The following PNPLA7 variants were observed in gnomAD, a reference collection of about 807,000 sequenced individuals.
PNPLA7 encodes patatin-like phospholipase domain-containing protein 7.
Under a neutral mutation model 161.7 loss-of-function variants are expected in PNPLA7, and 153 were observed. The observed-to-expected ratio is 0.95, with a 90% confidence interval of 0.83 to 1.08. The LOEUF is 1.08. Ranked by LOEUF, PNPLA7 falls within the 50% of genes least tolerant of loss-of-function variation. PNPLA7 has a pLI of 0.00. For synonymous variants in PNPLA7, 809 were observed against 782.1 expected (o/e 1.03, Z -0.57); for missense variants, 1,739 against 1,856.6 (o/e 0.94, Z 1.16).
intron 12 of PNPLA7, among the ~76,000 whole-genome samples, chr9:137,512,341 C>T (rs928045): frequency 0.11 from 17,301 of 152,292 alleles, 996 homozygotes; most frequent in East Asian, 0.2. Flanking sequence ...GACCTCCCCA[C>T]GGGACGTGGA....
chr9:137,506,978 C>A (rs1290158562), intron 12 of PNPLA7, among the ~76,000 whole-genome samples: 1 of 152,242 alleles, frequency 6.6e-6, no homozygotes, highest in Non-Finnish European at 1.5e-5. Context: ...ACATGCCACA[C>A]AGATGCCGCA....
intron 7 of PNPLA7, 122 bp downstream of exon 7, chr9:137,542,520 C>T (rs1836260467): frequency 8.6e-7 from 1 of 1,162,058 alleles, no homozygotes; most frequent in African/African-American, 1.6e-5. Flanking sequence ...AGTTTTCCCC[C>T]AAAGAAATTA....
chr9:137,505,540 T>C, intron 14 of PNPLA7, 74 bp downstream of exon 14: 2 of 1,563,962 alleles, frequency 1.3e-6, no homozygotes, highest in South Asian at 2.3e-5. Context: ...CTGGAACCAC[T>C]GCCCAACAGA....
intron 8 of PNPLA7, among the ~76,000 whole-genome samples, chr9:137,526,653 T>C (rs913899779): frequency 6.6e-6 from 1 of 152,200 alleles, no homozygotes; most frequent in Non-Finnish European, 1.5e-5. Flanking sequence ...ATCCCTGAAG[T>C]TGTAACCAGT....
chr9:137,529,059 A>G (rs549466794), intron 8 of PNPLA7, among the ~76,000 whole-genome samples: 21 of 152,160 alleles, frequency 1.4e-4, no homozygotes, highest in Non-Finnish European at 2.9e-4. Flanking sequence ...CTACAGCAGC[A>G]CACTCAGAGC....
chr9:137,475,682 G>GT lies in PNPLA7; in HGVS notation c.2882+2351dup, dbSNP rs547086173. Among the ~76,000 whole-genome samples the GT allele has an allele frequency of 3.7e-3, 534 of 144,818 alleles. 4 individuals are homozygous for GT. Among genetic ancestry groups the GT allele is most frequent in the African/African-American group, 6.2e-3 (247 of 40,148 alleles). On this transcript the variant is annotated intron_variant, in intron 25 of 34. Coordinates refer to ENST00000406427, the MANE Select transcript of PNPLA7 (RefSeq NM_001098537.3). ...AGCCACTGTGCCTGGCTGAGAACCT[G>GT]TTTTTTTTTTAAAAAAAAAGAATCT...
At chr9:137,522,469 C>T (rs1055130711) in intron 9 of PNPLA7, among the ~76,000 whole-genome samples, 12 of 152,200 alleles carry the variant, frequency 7.9e-5, no homozygotes, top group East Asian at 5.8e-4. Context: ...GGGTTACAGG[C>T]GTGAGCCGCC....
At chr9:137,511,908 CT>C (rs1834257947) in intron 12 of PNPLA7, among the ~76,000 whole-genome samples, 3 of 152,180 alleles carry the variant, frequency 2.0e-5, no homozygotes, top group Non-Finnish European at 1.5e-5. Flanking sequence ...GAAAGGCCCC[CT>C]GTCACGTGGA....
At position 137,520,277 on chromosome 9, in the gene PNPLA7, G is replaced by A. The variant is rs1263851287; in HGVS notation, c.958-234C>T. 1.3e-5 allele frequency among the ~76,000 whole-genome samples: 2 copies of A among 152,076 alleles called. No individual in the cohort carries two copies. The highest frequency in any genetic ancestry group is 4.8e-5 in the African/African-American group (2 of 41,386). ...AGTTTAAGCTACATTTCAGGCAATG[G>A]AAAGAGGCCGATCATCAACCCAGAA... is the stretch of plus-strand genomic sequence containing the variant. On this transcript the variant is annotated intron_variant, in intron 10 of 34. Transcript: ENST00000406427. This position sits in a 1 kb window ranked among gnomAD's most constrained non-coding sequence, Gnocchi z 5.2.
At chr9:137,462,530 C>G in intron 30 of PNPLA7, 155 bp downstream of exon 30, 1 of 1,388,954 alleles carries the variant, frequency 7.2e-7, no homozygotes, top group Non-Finnish European at 9.5e-7. Context: ...TGCCTTCCTT[C>G]GCCCGAGTTG....
chr9:137,463,067 T>G (rs752419774), intron 29 of PNPLA7: 60 of 638,230 alleles, frequency 9.4e-5, no homozygotes, highest in Non-Finnish European at 1.5e-4. Flanking sequence ...TGGCCTGGCC[T>G]GGCCCCCAGC....
intron 12 of PNPLA7, among the ~76,000 whole-genome samples, chr9:137,514,990 A>C (rs1834452929): frequency 6.6e-6 from 1 of 151,922 alleles, no homozygotes; most frequent in African/African-American, 2.4e-5. Context: ...CCCTGCGGGG[A>C]GGCACACGTC....
chr9:137,498,396 C>T, intron 16 of PNPLA7, 151 bp from the exon 17 acceptor site: 1 of 1,189,556 alleles, frequency 8.4e-7, no homozygotes, highest in Non-Finnish European at 1.2e-6. Context: ...GGGGCACGCA[C>T]CAGTCAGCTG....
chr9:137,510,924 G>A (rs1389625252), intron 12 of PNPLA7, among the ~76,000 whole-genome samples: 2 of 152,248 alleles, frequency 1.3e-5, no homozygotes, highest in Non-Finnish European at 2.9e-5. Flanking sequence ...AGGATATAGA[G>A]ATGAATGTAT....
At position 137,547,668 on chromosome 9, in the gene PNPLA7, G is replaced by C. The variant is rs1227253488; in HGVS notation, c.31-9C>G. On this transcript the variant is annotated splice_polypyrimidine_tract_variant and intron_variant, in intron 1 of 34. Transcript: ENST00000406427. The surrounding 1 kb of genome is among the most constrained non-coding windows in gnomAD (Gnocchi z 4.6). Reference sequence around the variant, plus strand: ...CCCAGGCAGAAGTCAGCCTGCAGCAGAGAGCATGGGGTCAGGTGGGCATGG... The same window carrying C: ...CCCAGGCAGAAGTCAGCCTGCAGCACAGAGCATGGGGTCAGGTGGGCATGG... 6.2e-7 allele frequency: 1 copy of C among 1,612,824 alleles called. No individual in the cohort carries two copies. Among genetic ancestry groups the C allele is most frequent in the Non-Finnish European group, 8.5e-7 (1 of 1,179,760 alleles).
At chr9:137,507,858 T>A (rs898993056) in intron 12 of PNPLA7, among the ~76,000 whole-genome samples, 1 of 151,772 alleles carries the variant, frequency 6.6e-6, no homozygotes, top group Non-Finnish European at 1.5e-5. Flanking sequence ...GTTTGAGGCC[T>A]GGACAACATA....
intron 19 of PNPLA7, 31 bp from the exon 20 acceptor site, chr9:137,493,113 A>T: frequency 6.2e-7 from 1 of 1,609,576 alleles, no homozygotes. Flanking sequence ...CAAGAGCCAC[A>T]CGTTTTAAAC....
intron 21 of PNPLA7, among the ~76,000 whole-genome samples, chr9:137,483,224 C>T (rs541274055): frequency 1.2e-4 from 19 of 152,098 alleles, no homozygotes; most frequent in South Asian, 2.1e-4. Context: ...ACAGCTCCAC[C>T]GCACAACTCG....
chr9:137,507,313 C>T (rs926090667), intron 12 of PNPLA7, among the ~76,000 whole-genome samples: 2 of 152,262 alleles, frequency 1.3e-5, no homozygotes, highest in African/African-American at 2.4e-5. Flanking sequence ...GCAGCAGCCC[C>T]TTTACCTGGC....
Sources: gnomAD v4.1 joint callset for allele counts (sites outside exome capture counted in the v4.1 genomes callset) on GRCh38, gnomAD v4.1.1 for gene constraint, Gnocchi (gnomAD v3.1) non-coding constraint, MANE v1.5 for transcripts, NCBI Gene and HGNC (gene_info 2026-07-23, HGNC 2026-07-21) for gene names.